KIRREL1: variants seen among roughly 807,000 people sequenced by gnomAD.
The protein encoded by KIRREL1 is kin of IRRE-like protein 1.
Under a neutral mutation model 83.3 loss-of-function variants are expected in KIRREL1, and 25 were observed. The ratio of observed to expected loss-of-function variants is 0.30; its 90% CI spans 0.22 to 0.42. The LOEUF is 0.42. Ranked by LOEUF, KIRREL1 falls within the 10% of genes least tolerant of loss-of-function variation. The pLI, the probability that KIRREL1 is intolerant of heterozygous loss-of-function variation, is 1.00. For synonymous variants in KIRREL1, 388 were observed against 410.4 expected, an observed-to-expected ratio of 0.95 and a Z score of 0.66; for missense variants, 812 against 1,032.3, an observed-to-expected ratio of 0.79 and a Z score of 2.92.
intron 1 of KIRREL1, among the ~76,000 whole-genome samples, chr1:158,012,117 A>G (rs1659706293): frequency 6.6e-6 from 1 of 152,074 alleles, no homozygotes; most frequent in Non-Finnish European, 1.5e-5. Context: ...TAAAAAATGT[A>G]GAGCTTGAGG....
chr1:158,010,273 A>G (rs1230013230), intron 1 of KIRREL1, among the ~76,000 whole-genome samples: 1 of 151,666 alleles, frequency 6.6e-6, no homozygotes, highest in East Asian at 1.9e-4. Flanking sequence ...CATTTCATGC[A>G]TCTTCAGATC....
intron 1 of KIRREL1, among the ~76,000 whole-genome samples, chr1:158,040,714 C>G (rs979778119): frequency 3.9e-5 from 6 of 152,134 alleles, no homozygotes; most frequent in African/African-American, 1.4e-4. Context: ...ACAGGCATTT[C>G]CTTAATATCA....
At chr1:158,008,033 T>C (rs946712202) in intron 1 of KIRREL1, among the ~76,000 whole-genome samples, 2 of 152,080 alleles carry the variant, frequency 1.3e-5, no homozygotes, top group African/African-American at 4.8e-5. Flanking sequence ...GAGGCCCCCC[T>C]CTCGCCCTCC....
intron 1 of KIRREL1, among the ~76,000 whole-genome samples, chr1:158,057,239 G>A (rs1032070368): frequency 2.6e-4 from 40 of 152,096 alleles, no homozygotes; most frequent in Admixed American, 5.2e-4. Context: ...TTGGGGACAC[G>A]TGGGATGGTC....
chr1:157,996,942 A>G (rs1659222460), intron 1 of KIRREL1, among the ~76,000 whole-genome samples: 1 of 152,140 alleles, frequency 6.6e-6, no homozygotes, highest in Non-Finnish European at 1.5e-5. Context: ...GCTCCTTCCC[A>G]CAGCTGAGTG....
chr1:158,044,742 G>T (rs917515737), intron 1 of KIRREL1, among the ~76,000 whole-genome samples: 1 of 152,048 alleles, frequency 6.6e-6, no homozygotes, highest in Non-Finnish European at 1.5e-5. Context: ...CAAGTGATCC[G>T]CTCATCCCAA....
intron 1 of KIRREL1, among the ~76,000 whole-genome samples, chr1:158,074,086 A>G (rs139583736): frequency 6.0e-4 from 92 of 152,290 alleles, no homozygotes; most frequent in Admixed American, 1.9e-3. Flanking sequence ...AATGAGGACA[A>G]TGCTTGAATT....
In KIRREL1 at chr1:158,088,329, G is replaced by C. The variant is rs1247399065; in HGVS notation, c.919G>C (p.Ala307Pro). The change falls in exon 8 of 15, where the codon GCT becomes CCT. Residue 307 changes from alanine to proline, a missense_variant and splice_region_variant. Ala to Pro is a conservative substitution (Grantham distance 27, BLOSUM62 -1). Transcript: ENST00000359209. The stretch of plus-strand genomic sequence containing the variant: ...AGTGGCTTCTTTCTCCCTCACAGTT[G>C]CTCCCCGGATTGTAGTTGACCCCAA... ...NVSTLVNVHF[A>P]PRIVVDPKPT... 6.2e-7 allele frequency: 1 copy of C among 1,611,326 alleles called. No individual in the cohort carries two copies. Among genetic ancestry groups the C allele is most frequent in the Non-Finnish European group, 8.5e-7 (1 of 1,178,724 alleles).
At chr1:158,081,214 G>A (rs1207464624) in intron 3 of KIRREL1, among the ~76,000 whole-genome samples, 4 of 97,660 alleles carry the variant, frequency 4.1e-5, no homozygotes, top group Admixed American at 3.9e-4. Context: ...CCACATCCTA[G>A]CTCTGCCCTC....
intron 1 of KIRREL1, among the ~76,000 whole-genome samples, chr1:158,024,334 A>G (rs1571545269): frequency 8.0e-6 from 1 of 125,060 alleles, no homozygotes; most frequent in African/African-American, 3.2e-5. Context: ...GCTGGAGTGG[A>G]GTGGTGCGAT....
intron 1 of KIRREL1, among the ~76,000 whole-genome samples, chr1:158,052,575 C>T (rs188359562): frequency 8.1e-4 from 123 of 151,330 alleles, no homozygotes; most frequent in Non-Finnish European, 1.5e-3. Context: ...GTCAGGAGAT[C>T]GAGACCATCC....
intron 1 of KIRREL1, among the ~76,000 whole-genome samples, chr1:157,994,789 G>T (rs1453129009): frequency 6.6e-6 from 1 of 152,004 alleles, no homozygotes; most frequent in Non-Finnish European, 1.5e-5. Flanking sequence ...CTGAGAGAGA[G>T]ACATCCCCAC....
chr1:158,069,266 T>C (rs574294179), intron 1 of KIRREL1, among the ~76,000 whole-genome samples: 1 of 151,470 alleles, frequency 6.6e-6, no homozygotes, highest in African/African-American at 2.4e-5. Context: ...TTGTGTGTTA[T>C]GGTACATGTG....
chr1:158,056,955 C>T (rs911616368), intron 1 of KIRREL1, among the ~76,000 whole-genome samples: 1 of 152,070 alleles, frequency 6.6e-6, no homozygotes, highest in African/African-American at 2.4e-5. Flanking sequence ...GTGCCATATC[C>T]CAGCATCTTT....
intron 1 of KIRREL1, among the ~76,000 whole-genome samples, chr1:158,014,864 T>C (rs1359657599): frequency 2.0e-5 from 3 of 152,008 alleles, no homozygotes; most frequent in Non-Finnish European, 4.4e-5. Context: ...ATTCTTGGGG[T>C]CTTCCTCGGA....
chr1:158,074,961 G>A (rs1661634517), intron 1 of KIRREL1, among the ~76,000 whole-genome samples: 2 of 152,176 alleles, frequency 1.3e-5, no homozygotes, highest in African/African-American at 4.8e-5. Flanking sequence ...GACTTTTGGG[G>A]AGAGCCGATT....
intron 1 of KIRREL1, among the ~76,000 whole-genome samples, chr1:158,003,142 C>T (rs1178923051): frequency 7.9e-5 from 12 of 152,104 alleles, no homozygotes; most frequent in South Asian, 2.1e-4. Flanking sequence ...GGGCCTTGCT[C>T]GCTCCATTAC....
intron 1 of KIRREL1, among the ~76,000 whole-genome samples, chr1:158,063,567 T>C (rs1007939709): frequency 1.6e-4 from 25 of 152,208 alleles, no homozygotes; most frequent in African/African-American, 6.0e-4. Flanking sequence ...AGCAGGCAAC[T>C]TCCCATTTTC....
intron 1 of KIRREL1, among the ~76,000 whole-genome samples, chr1:158,049,664 G>A (rs1021376222): frequency 1.3e-5 from 2 of 152,114 alleles, no homozygotes; most frequent in African/African-American, 4.8e-5. Context: ...GGTGACAGGG[G>A]AAGCAATTAG....
Sources: gnomAD v4.1 joint callset for allele counts (sites outside exome capture counted in the v4.1 genomes callset) on GRCh38, gnomAD v4.1.1 for gene constraint, MANE v1.5 for transcripts, NCBI Gene and HGNC (gene_info 2026-07-23, HGNC 2026-07-21) for gene names.